ATP2B2: variants seen among roughly 807,000 people sequenced by gnomAD.
ATP2B2 encodes ATPase plasma membrane Ca2+ transporting 2, also known as plasma membrane calcium-transporting ATPase 2.
ATP2B2 carries 15 observed loss-of-function variants against 120.0 expected under a neutral mutation model. That is an observed-to-expected ratio of 0.12 (90% CI 0.08 to 0.19). The LOEUF (loss-of-function observed/expected upper bound fraction) is 0.19, where lower values mean the gene tolerates loss of function less well. Among genes scored for constraint, ATP2B2 ranks in the 10% least tolerant of loss-of-function variants. ATP2B2 has a pLI of 1.00. For synonymous variants in ATP2B2, 694 were observed against 700.3 expected, an observed-to-expected ratio of 0.99 and a Z score of 0.14; for missense variants, 1,045 against 1,719.8, an observed-to-expected ratio of 0.61 and a Z score of 6.94.
intron 3 of ATP2B2, among the ~76,000 whole-genome samples, chr3:10,407,061 C>T (rs1173166626): frequency 1.3e-5 from 2 of 152,192 alleles, no homozygotes; most frequent in Admixed American, 1.3e-4. Context: ...GGTCTTTCAT[C>T]CCTGGCTCTT....
chr3:10,532,054 C>G (rs542419058), intron 3 of ATP2B2, among the ~76,000 whole-genome samples: 1 of 152,042 alleles, frequency 6.6e-6, no homozygotes, highest in Admixed American at 6.6e-5. Flanking sequence ...CTCACCCCCC[C>G]ATCCTCTCCT....
At chr3:10,581,166 C>A (rs909678487) in intron 2 of ATP2B2, among the ~76,000 whole-genome samples, 2 of 152,234 alleles carry the variant, frequency 1.3e-5, no homozygotes, top group Admixed American at 1.3e-4. Context: ...GGATTTGAAT[C>A]CACCATGCCA....
intron 1 of ATP2B2, among the ~76,000 whole-genome samples, chr3:10,499,088 T>C (rs57708889): frequency 0.047 from 7,146 of 152,290 alleles, 507 homozygotes; most frequent in African/African-American, 0.15. Flanking sequence ...TAGTAAACAC[T>C]GGCATTAGGA....
intron 14 of ATP2B2, 150 bp downstream of exon 14, chr3:10,358,541 T>C: frequency 2.4e-6 from 2 of 836,702 alleles, no homozygotes; most frequent in Non-Finnish European, 3.9e-6. Flanking sequence ...TCATGGGCAA[T>C]CCTCTTATGA....
chr3:10,375,697 G>A lies in ATP2B2; in HGVS notation c.1202-53C>T. The A allele has an allele frequency of 6.5e-7, 1 of 1,546,626 alleles. No homozygotes were observed. The highest frequency in any genetic ancestry group is 1.1e-5 in the South Asian group (1 of 88,406). On this transcript the variant is annotated intron_variant, in intron 10 of 22. Coordinates refer to ENST00000360273, the MANE Select transcript of ATP2B2 (RefSeq NM_001001331.4). The surrounding 1 kb of genome is among the most constrained non-coding windows in gnomAD (Gnocchi z 4.2). ...GGGTTCCAGGAAGTGGAGGCTGGGG[G>A]TGGTGTGGACCAAATCTTTGGCTGA...
At chr3:10,633,241 A>G (rs553753287) in intron 1 of ATP2B2, among the ~76,000 whole-genome samples, 1 of 152,280 alleles carries the variant, frequency 6.6e-6, no homozygotes, top group South Asian at 2.1e-4. Flanking sequence ...TGGGGGTTAA[A>G]TGAGTTAACA....
chr3:10,324,886 A>G lies in ATP2B2; in HGVS notation c.*3928T>C, dbSNP rs955858364. On this transcript the variant is annotated 3_prime_UTR_variant, in exon 23 of 23. Coordinates refer to ENST00000360273, the MANE Select transcript of ATP2B2 (RefSeq NM_001001331.4). ...AGAAGTGCAGACAACTGGGCCACACATTCTTTCCCAGCTCCAGGCCTAGGA... is the reference window on the plus strand; with the variant it reads ...AGAAGTGCAGACAACTGGGCCACACGTTCTTTCCCAGCTCCAGGCCTAGGA... 2 of 152,280 alleles carry G rather than the reference A, an allele frequency of 1.3e-5. No individual in the cohort carries two copies. The highest frequency in any genetic ancestry group is 6.5e-5 in the Admixed American group (1 of 15,288). The allele number at this position is 152,280 out of a possible 1,614,324, so 9.4% of individuals were successfully genotyped here. A position where few individuals can be genotyped will look rare whatever the true frequency, so the allele number is the denominator to read the frequency against.
intron 2 of ATP2B2, among the ~76,000 whole-genome samples, chr3:10,549,649 C>G (rs536934854): frequency 2.0e-5 from 3 of 152,254 alleles, no homozygotes; most frequent in East Asian, 3.9e-4. Context: ...ATTCCTTTCT[C>G]TCTCCTTCCC....
chr3:10,476,467 C>T (rs1018308808), intron 1 of ATP2B2, among the ~76,000 whole-genome samples: 13 of 152,316 alleles, frequency 8.5e-5, no homozygotes, highest in East Asian at 1.9e-4. Context: ...ATGGGAACAA[C>T]GGGTGCGTGG....
intron 2 of ATP2B2, among the ~76,000 whole-genome samples, chr3:10,561,711 A>G (rs1355251679): frequency 6.6e-6 from 1 of 152,172 alleles, no homozygotes; most frequent in Non-Finnish European, 1.5e-5. Flanking sequence ...ATGGTTTTAT[A>G]AAGTGTTTCC....
intron 1 of ATP2B2, among the ~76,000 whole-genome samples, chr3:10,640,301 G>T (rs2070137675): frequency 6.6e-6 from 1 of 152,230 alleles, no homozygotes; most frequent in African/African-American, 2.4e-5. Context: ...AGAAAGGACA[G>T]GGGTTTCCAG....
chr3:10,396,762 A>G (rs1056998060), intron 5 of ATP2B2, among the ~76,000 whole-genome samples: 4 of 152,146 alleles, frequency 2.6e-5, no homozygotes, highest in African/African-American at 7.2e-5. Flanking sequence ...AAGGGGAGAC[A>G]TTTGAGATGA....
At chr3:10,385,074 A>G (rs1483297511) in intron 8 of ATP2B2, among the ~76,000 whole-genome samples, 194 bp downstream of exon 8, 1 of 152,226 alleles carries the variant, frequency 6.6e-6, no homozygotes, top group Non-Finnish European at 1.5e-5. Flanking sequence ...TGAGGCTGAC[A>G]GGTTGCAGAG....
intron 1 of ATP2B2, among the ~76,000 whole-genome samples, chr3:10,707,197 T>C (rs908392280): frequency 5.3e-5 from 8 of 152,176 alleles, no homozygotes; most frequent in Non-Finnish European, 1.0e-4. Flanking sequence ...AAAATCACGC[T>C]GTGGATCTGA....
At chr3:10,456,848 G>T (rs1010975625) in intron 1 of ATP2B2, among the ~76,000 whole-genome samples, 2 of 152,240 alleles carry the variant, frequency 1.3e-5, no homozygotes, top group Non-Finnish European at 2.9e-5. Context: ...TGGCCTTTCT[G>T]TAGGGGGCCC....
At chr3:10,587,924 TAAATA>T (rs1337257351) in intron 2 of ATP2B2, among the ~76,000 whole-genome samples, 3 of 152,202 alleles carry the variant, frequency 2.0e-5, no homozygotes, top group Non-Finnish European at 4.4e-5. Context: ...TTTCCTCCTT[TAAATA>T]AAAGTTTTAT....
intron 7 of ATP2B2, 125 bp downstream of exon 7, chr3:10,386,355 G>A (rs1185318511): frequency 9.3e-7 from 1 of 1,077,246 alleles, no homozygotes. Context: ...GGTCTGGGGG[G>A]TGGAGCCACC....
intron 1 of ATP2B2, among the ~76,000 whole-genome samples, chr3:10,688,611 T>C (rs1271226135): frequency 6.6e-6 from 1 of 151,932 alleles, no homozygotes; most frequent in South Asian, 2.1e-4. Context: ...AGAAAGAAAA[T>C]TTGCTCTCAG....
intron 14 of ATP2B2, among the ~76,000 whole-genome samples, chr3:10,351,294 C>T (rs919090553): frequency 1.3e-5 from 2 of 152,158 alleles, no homozygotes; most frequent in Non-Finnish European, 2.9e-5. Context: ...AGGGTTTCCC[C>T]GAGGAAACCA....
Sources: allele counts gnomAD v4.1 joint callset (sites outside exome capture counted in the v4.1 genomes callset), GRCh38; gene constraint gnomAD v4.1.1; non-coding constraint Gnocchi (gnomAD v3.1); transcripts MANE v1.5; gene names NCBI Gene and HGNC (gene_info 2026-07-23, HGNC 2026-07-21).